The following SLC4A10 variants were observed in gnomAD, a reference collection of about 807,000 sequenced individuals.
The protein encoded by SLC4A10 is sodium-driven chloride bicarbonate exchanger.
Under a neutral mutation model 137.7 loss-of-function variants are expected in SLC4A10, and 42 were observed. That is an observed-to-expected ratio of 0.30 (90% confidence interval 0.24 to 0.39). The LOEUF (loss-of-function observed/expected upper bound fraction) is 0.39. SLC4A10 is among the 10% of genes least tolerant of loss of function. The probability of loss-of-function intolerance (pLI) is 1.00; values close to 1 mark genes in which losing one functional copy is unlikely to be tolerated. For synonymous variants in SLC4A10, 474 were observed against 464.1 expected, an observed-to-expected ratio of 1.02 and a Z score of -0.27; for missense variants, 925 against 1,355.0, an observed-to-expected ratio of 0.68 and a Z score of 4.98.
intron 1 of SLC4A10, among the ~76,000 whole-genome samples, chr2:161,633,088 A>G (rs947234769): frequency 3.3e-5 from 5 of 151,612 alleles, no homozygotes; most frequent in African/African-American, 9.7e-5. Flanking sequence ...GACATTCAGT[A>G]TACTACTCAA....
At chr2:161,669,295 A>G (rs542274431) in intron 1 of SLC4A10, among the ~76,000 whole-genome samples, 30 of 151,942 alleles carry the variant, frequency 2.0e-4, no homozygotes, top group Admixed American at 5.3e-4. Context: ...TTATGCAGGA[A>G]CAGTGAAGGA....
intron 1 of SLC4A10, among the ~76,000 whole-genome samples, chr2:161,759,381 A>G (rs1274393379): frequency 6.6e-6 from 1 of 151,988 alleles, no homozygotes; most frequent in Non-Finnish European, 1.5e-5. Flanking sequence ...AGTAAACAAT[A>G]CAATATTATT....
chr2:161,935,291 G>T (rs1012221136), intron 15 of SLC4A10, among the ~76,000 whole-genome samples: 16 of 151,950 alleles, frequency 1.1e-4, no homozygotes, highest in Non-Finnish European at 1.9e-4. Context: ...ACAGCTTTGT[G>T]GTGTATTTTG....
intron 23 of SLC4A10, among the ~76,000 whole-genome samples, chr2:161,971,230 T>C (rs1382587936): frequency 6.6e-6 from 1 of 152,256 alleles, no homozygotes; most frequent in African/African-American, 2.4e-5. Flanking sequence ...TTGAGTGTTC[T>C]GGAGTAGATT....
chr2:161,682,553 A>G (rs2040974732), intron 1 of SLC4A10, among the ~76,000 whole-genome samples: 1 of 152,068 alleles, frequency 6.6e-6, no homozygotes, highest in Non-Finnish European at 1.5e-5. Context: ...TTGTTTATCT[A>G]TTGCTGTATG....
At chr2:161,757,169 A>C in intron 1 of SLC4A10, among the ~76,000 whole-genome samples, 1 of 152,166 alleles carries the variant, frequency 6.6e-6, no homozygotes, top group Non-Finnish European at 1.5e-5. Flanking sequence ...TGTGCTCCCT[A>C]CCTGGGTGAC....
At chr2:161,810,923 G>A (rs2125633686) in intron 3 of SLC4A10, among the ~76,000 whole-genome samples, 1 of 152,040 alleles carries the variant, frequency 6.6e-6, no homozygotes, top group South Asian at 2.1e-4. Context: ...TTTTTTGGAA[G>A]AGTTTTAGTA....
At chr2:161,922,086 C>T (rs182716765) in intron 15 of SLC4A10, among the ~76,000 whole-genome samples, 3 of 152,218 alleles carry the variant, frequency 2.0e-5, no homozygotes, top group African/African-American at 7.2e-5. Context: ...TTACATTATA[C>T]AAATGACGTA....
At chr2:161,891,544 T>C (rs1388481297) in intron 10 of SLC4A10, among the ~76,000 whole-genome samples, 2 of 152,156 alleles carry the variant, frequency 1.3e-5, no homozygotes, top group African/African-American at 4.8e-5. Context: ...TTTTATTAAG[T>C]AGATCTTCAC....
At chr2:161,958,596 G>T in intron 21 of SLC4A10, 41 bp downstream of exon 21, 2 of 1,457,790 alleles carry the variant, frequency 1.4e-6, no homozygotes, top group South Asian at 2.4e-5. Context: ...TGTGATGACT[G>T]ACCTTAAGGT....
intron 20 of SLC4A10, 87 bp from the exon 21 acceptor site, chr2:161,958,400 T>C: frequency 8.8e-7 from 1 of 1,130,334 alleles, no homozygotes; most frequent in South Asian, 1.3e-5. Context: ...AAAAATGCCT[T>C]TTTTCCCTGT....
intron 3 of SLC4A10, among the ~76,000 whole-genome samples, chr2:161,818,253 G>T (rs1481980185): frequency 6.6e-6 from 1 of 152,128 alleles, no homozygotes; most frequent in East Asian, 1.9e-4. Context: ...TTGTGAATGG[G>T]AGTTCATTCA....
intron 18 of SLC4A10, among the ~76,000 whole-genome samples, chr2:161,950,192 T>G (rs1575804118): frequency 6.6e-6 from 1 of 152,148 alleles, no homozygotes; most frequent in Non-Finnish European, 1.5e-5. Context: ...TTTAGATGTC[T>G]GTCTCTGATT....
chr2:161,943,408 C>A (rs1204708625), intron 16 of SLC4A10, among the ~76,000 whole-genome samples: 2 of 151,966 alleles, frequency 1.3e-5, no homozygotes, highest in African/African-American at 4.8e-5. Flanking sequence ...CCATTTTATT[C>A]TTATCTCCCA....
chr2:161,957,292 T>G (rs547839799), intron 20 of SLC4A10, 52 bp downstream of exon 20: 1 of 1,550,936 alleles, frequency 6.4e-7, no homozygotes, highest in Non-Finnish European at 8.7e-7. Flanking sequence ...TTTATCATCA[T>G]TTAAAATTTT....
chr2:161,811,317 GT>G (rs1416514542), intron 3 of SLC4A10, among the ~76,000 whole-genome samples: 2 of 151,952 alleles, frequency 1.3e-5, no homozygotes, highest in African/African-American at 4.8e-5. Flanking sequence ...AACAAACTCT[GT>G]TTCATTTATC....
chr2:161,854,375 C>T lies in SLC4A10; in HGVS notation c.417-595C>T, dbSNP rs1227935. Reference sequence around the variant, plus strand: ...ACATCAAGGTTCTTCTCTGATTATCCATCCTGGCAGAAACACCCAGGGATG... The same window carrying T: ...ACATCAAGGTTCTTCTCTGATTATCTATCCTGGCAGAAACACCCAGGGATG... On this transcript the variant is annotated intron_variant, in intron 4 of 26. Coordinates refer to ENST00000446997, the MANE Select transcript of SLC4A10 (RefSeq NM_001178015.2). Among the ~76,000 whole-genome samples, 564 of 152,236 alleles carry T rather than the reference C, an allele frequency of 3.7e-3. 3 individuals are homozygous for T. The highest frequency in any genetic ancestry group is 0.012 in the African/African-American group (505 of 41,554).
chr2:161,649,287 G>C (rs2036483543), intron 1 of SLC4A10, among the ~76,000 whole-genome samples: 1 of 152,206 alleles, frequency 6.6e-6, no homozygotes, highest in Admixed American at 6.5e-5. Flanking sequence ...CTTGAGCCTG[G>C]GAGGCAGGGT....
chr2:161,923,929 A>G (rs1239764148), intron 15 of SLC4A10, among the ~76,000 whole-genome samples: 1 of 152,182 alleles, frequency 6.6e-6, no homozygotes. Context: ...TGGCTTGTCC[A>G]AGGTTGCTCA....
Sources: gnomAD v4.1 joint callset for allele counts (sites outside exome capture counted in the v4.1 genomes callset) on GRCh38, gnomAD v4.1.1 for gene constraint, MANE v1.5 for transcripts, NCBI Gene and HGNC (gene_info 2026-07-23, HGNC 2026-07-21) for gene names.